Variants in PLOD2 observed in about 807,000 individuals in gnomAD.
The protein encoded by PLOD2 is lysine hydroxylase 2.
In PLOD2, 65 loss-of-function variants were observed where a neutral mutation model predicts 101.0. That is an observed-to-expected ratio of 0.64 (90% confidence interval 0.53 to 0.79). The LOEUF (loss-of-function observed/expected upper bound fraction) is 0.79. Ranked by LOEUF, PLOD2 falls within the 30% of genes least tolerant of loss-of-function variation. PLOD2 has a pLI of 0.00. For synonymous variants in PLOD2, 314 were observed against 302.9 expected (o/e 1.04, Z -0.38); for missense variants, 909 against 914.6 (o/e 0.99, Z 0.08).
intron 1 of PLOD2, among the ~76,000 whole-genome samples, chr3:146,148,383 TG>T (rs1337095261): frequency 1.5e-5 from 2 of 136,940 alleles, no homozygotes; most frequent in East Asian, 2.1e-4. Flanking sequence ...TCACTACAGA[TG>T]AAACAAACAA....
chr3:146,096,881 G>T (rs1270327574), intron 7 of PLOD2, among the ~76,000 whole-genome samples: 2 of 72,276 alleles, frequency 2.8e-5, no homozygotes, highest in Non-Finnish European at 2.9e-5. Flanking sequence ...GGAGGGAGGT[G>T]GGGGGGGGGA....
intron 1 of PLOD2, among the ~76,000 whole-genome samples, chr3:146,151,819 C>T (rs1406949720): frequency 6.6e-6 from 1 of 152,110 alleles, no homozygotes; most frequent in Non-Finnish European, 1.5e-5. Context: ...TTTTCCTTCA[C>T]ACAAAGCAAC....
At chr3:146,077,278 A>ATTTT (rs1348220816) in intron 14 of PLOD2, 38 of 484,384 alleles carry the variant, frequency 7.8e-5, no homozygotes, top group Non-Finnish European at 1.0e-4. Context: ...AAAGCATCAC[A>ATTTT]TTTTTAATCA....
intron 3 of PLOD2, among the ~76,000 whole-genome samples, 173 bp from the exon 4 acceptor site, chr3:146,110,621 G>T (rs1255311320): frequency 3.3e-5 from 5 of 152,108 alleles, no homozygotes; most frequent in African/African-American, 1.2e-4. Flanking sequence ...TAAATTATAT[G>T]AATTGTATTG....
intron 1 of PLOD2, among the ~76,000 whole-genome samples, chr3:146,147,905 T>C (rs1576629115): frequency 6.6e-6 from 1 of 152,186 alleles, no homozygotes; most frequent in Non-Finnish European, 1.5e-5. Context: ...CCAGCTGTTG[T>C]TGCCATACGG....
chr3:146,154,613 C>T (rs539791973), intron 1 of PLOD2, among the ~76,000 whole-genome samples: 2 of 151,946 alleles, frequency 1.3e-5, no homozygotes, highest in East Asian at 1.9e-4. Flanking sequence ...TTTCTTATAG[C>T]GGAAAAGAAA....
chr3:146,089,948 C>A (rs1576584407), intron 8 of PLOD2, among the ~76,000 whole-genome samples: 1 of 151,382 alleles, frequency 6.6e-6, no homozygotes. Context: ...ACCCAGAACA[C>A]ATATATTTGA....
Position 146,105,515 on chromosome 3 carries a change from C to T in PLOD2, c.615+1017G>A, listed in dbSNP as rs141146181. Among the ~76,000 whole-genome samples, 145 of 152,282 alleles carry T rather than the reference C, an allele frequency of 9.5e-4. No homozygotes were observed. In the Middle Eastern group the frequency reaches 0.01, roughly 11 times the overall value. ...TCTCAACACCCATAATCTCCAGGCT[C>T]CAAATCTCAGAGGAAGGTCTCTGTC... On this transcript the variant is annotated intron_variant, in intron 5 of 19. Coordinates refer to ENST00000282903, the MANE Select transcript of PLOD2 (RefSeq NM_182943.3).
In PLOD2 at chr3:146,081,777, C is replaced by A. The variant is rs867445059; in HGVS notation, c.1319G>T (p.Arg440Leu). ...GALSPDGYYA[R>L]SEDYVDIVQG... is the part of the protein sequence containing the mutation. ...AACAATATCCACATAATCTTCAGAT[C>A]GTGCATAGTATCCATCAGGACTCAA... The change falls in exon 12 of 20, where the codon CGA becomes CTA. Residue 440 changes from arginine (R) to leucine (L), a missense_variant. Coordinates refer to ENST00000282903, the MANE Select transcript of PLOD2 (RefSeq NM_182943.3). 2 of 1,609,734 alleles carry A rather than the reference C, an allele frequency of 1.2e-6. No homozygotes were observed. Among genetic ancestry groups the A allele is most frequent in the East Asian group, 2.2e-5 (1 of 44,748 alleles).
At position 146,110,448 on chromosome 3, in the gene PLOD2, G is replaced by A. The variant is rs149937068; in HGVS notation, c.339C>T (p.Cys113=). 6.2e-7 allele frequency: 1 copy of A among 1,603,492 alleles called. No individual in the cohort carries two copies. Among genetic ancestry groups the A allele is most frequent in the African/African-American group, 1.4e-5 (1 of 73,424 alleles). The change falls in exon 4 of 20, where the codon TGC becomes TGT. Residue 113 remains cysteine (C), a splice_region_variant and synonymous_variant. Transcript: ENST00000282903. The stretch of plus-strand genomic sequence containing the variant: ...GACCACCAGCAAATATGACATCAAA[G>A]CTGTTCAATGAGGAAAAAATGTGTT... The part of the protein sequence containing the change: ...QDDLVVMFTE[C]FDVIFAGGPE...
At chr3:146,076,746 A>T (rs1389436950) in intron 15 of PLOD2, 36 bp downstream of exon 15, 1 of 988,584 alleles carries the variant, frequency 1.0e-6, no homozygotes, top group South Asian at 1.3e-5. Context: ...ACTTACAGTT[A>T]TAGAAAAATA....
intron 11 of PLOD2, among the ~76,000 whole-genome samples, chr3:146,082,389 TTAAG>T (rs1271450166): frequency 2.0e-5 from 3 of 152,334 alleles, no homozygotes; most frequent in African/African-American, 7.2e-5. Flanking sequence ...CTCAAATTAC[TTAAG>T]TATGTTTCCA....
intron 1 of PLOD2, among the ~76,000 whole-genome samples, chr3:146,139,465 A>C (rs1015414182): frequency 3.3e-5 from 5 of 152,166 alleles, no homozygotes; most frequent in African/African-American, 1.2e-4. Flanking sequence ...GAAGGAACAC[A>C]AATCTCCACA....
chr3:146,079,672 T>C (rs1443294960), intron 12 of PLOD2, among the ~76,000 whole-genome samples: 1 of 151,988 alleles, frequency 6.6e-6, no homozygotes, highest in Non-Finnish European at 1.5e-5. Flanking sequence ...AGTTAACTTT[T>C]TCTGCCAAGT....
chr3:146,091,014 C>T (rs1223523623), intron 8 of PLOD2, among the ~76,000 whole-genome samples: 1 of 151,794 alleles, frequency 6.6e-6, no homozygotes, highest in Non-Finnish European at 1.5e-5. Context: ...TGTAAGATAT[C>T]AGCTCTGGCT....
rs536664316 is a variant in PLOD2 at position 146,099,310 on chromosome 3, T to C, written c.777+3445A>G. ...CTCCAGTCAGCATCATCCTGGAAAT[T>C]TGGAAGGAATTGGTGATCACGTTGA... On this transcript the variant is annotated intron_variant, in intron 7 of 19. Transcript: ENST00000282903. Among the ~76,000 whole-genome samples, 5 of 152,302 alleles carry C rather than the reference T, an allele frequency of 3.3e-5. No homozygotes were observed. The South Asian group carries it at 8.3e-4, about 25-fold the overall frequency.
chr3:146,158,669 T>TTTTTTTTTTTTTTTCTTTTA (rs2032418048), intron 1 of PLOD2, among the ~76,000 whole-genome samples: 1 of 147,214 alleles, frequency 6.8e-6, no homozygotes, highest in African/African-American at 2.5e-5. Flanking sequence ...TAGGCCTTTT[T>TTTTTTTTTTTTTTTCTTTTA]TGTTTTTTTG....
chr3:146,141,156 G>A (rs1389750272), intron 1 of PLOD2, among the ~76,000 whole-genome samples: 1 of 151,888 alleles, frequency 6.6e-6, no homozygotes, highest in African/African-American at 2.4e-5. Flanking sequence ...TTAATTATAA[G>A]TAACATAAAT....
intron 1 of PLOD2, among the ~76,000 whole-genome samples, chr3:146,149,682 A>G (rs1490329112): frequency 6.6e-6 from 1 of 152,202 alleles, no homozygotes; most frequent in East Asian, 1.9e-4. Context: ...TCAACCTAAT[A>G]TACTGTACAA....
Sources: gnomAD v4.1 joint callset for allele counts (sites outside exome capture counted in the v4.1 genomes callset) on GRCh38, gnomAD v4.1.1 for gene constraint, MANE v1.5 for transcripts, NCBI Gene and HGNC (gene_info 2026-07-23, HGNC 2026-07-21) for gene names.